Variants in EPHA6 observed in about 807,000 individuals in gnomAD.
The protein encoded by EPHA6 is EPH receptor A6, also known as ephrin type-A receptor 6.
EPHA6 carries 50 observed loss-of-function variants against 112.0 expected under a neutral mutation model. The ratio of observed to expected loss-of-function variants is 0.45; its 90% CI spans 0.36 to 0.56. EPHA6 has a LOEUF of 0.56. Ranked by LOEUF, EPHA6 falls within the 20% of genes least tolerant of loss-of-function variation. The pLI, the probability that EPHA6 is intolerant of heterozygous loss-of-function variation, is 0.00. For missense variants in EPHA6, 1,280 were observed against 1,417.4 expected, an observed-to-expected ratio of 0.90 and a Z score of 1.56; for synonymous variants, 529 against 490.7, an observed-to-expected ratio of 1.08 and a Z score of -1.03.
chr3:96,942,523 C>G (rs963426127), intron 2 of EPHA6, among the ~76,000 whole-genome samples: 1 of 152,208 alleles, frequency 6.6e-6, no homozygotes, highest in Admixed American at 6.5e-5. Context: ...TCACCCCTTT[C>G]TTTGACTAGG....
chr3:97,292,952 C>T lies in EPHA6; in HGVS notation c.1606+48665C>T, dbSNP rs2080743559. 2.0e-5 allele frequency among the ~76,000 whole-genome samples: 3 copies of T among 150,148 alleles called. No homozygotes were observed. The South Asian group carries it at 6.4e-4, about 32-fold the overall frequency. ...GCACCTTTTTGCAGGCAGGTCATCT[C>T]ACCGAGCATCCAGTTCTCAGTGAAG... On this transcript the variant is annotated intron_variant, in intron 5 of 17. Coordinates refer to ENST00000389672, the MANE Select transcript of EPHA6 (RefSeq NM_001080448.3).
At chr3:97,059,726 A>G (rs1426527005) in intron 3 of EPHA6, among the ~76,000 whole-genome samples, 1 of 149,314 alleles carries the variant, frequency 6.7e-6, no homozygotes, top group Non-Finnish European at 1.5e-5. Context: ...AAATATAATG[A>G]TAAGTGTAAC....
intron 2 of EPHA6, among the ~76,000 whole-genome samples, chr3:96,981,745 C>T (rs555895708): frequency 6.6e-6 from 1 of 152,042 alleles, no homozygotes; most frequent in East Asian, 1.9e-4. Flanking sequence ...TGTTGTTGGT[C>T]CATTCAGAGA....
intron 2 of EPHA6, among the ~76,000 whole-genome samples, chr3:96,985,001 G>A (rs1175951833): frequency 2.6e-5 from 4 of 152,198 alleles, no homozygotes; most frequent in African/African-American, 9.6e-5. Flanking sequence ...CGCTTCCTGG[G>A]TGAGGCGATG....
intron 11 of EPHA6, among the ~76,000 whole-genome samples, chr3:97,544,047 T>A (rs1370942811): frequency 6.6e-6 from 1 of 152,192 alleles, no homozygotes; most frequent in Non-Finnish European, 1.5e-5. Context: ...ACAGGGACAA[T>A]TTGACTTCCT....
At chr3:97,706,689 A>G (rs1022594968) in intron 14 of EPHA6, among the ~76,000 whole-genome samples, 2 of 151,680 alleles carry the variant, frequency 1.3e-5, no homozygotes, top group African/African-American at 2.4e-5. Flanking sequence ...TCAAATTCTG[A>G]CTTTTCTTGT....
At chr3:96,970,693 A>C (rs1213753617) in intron 2 of EPHA6, among the ~76,000 whole-genome samples, 1 of 152,088 alleles carries the variant, frequency 6.6e-6, no homozygotes, top group Non-Finnish European at 1.5e-5. Context: ...TCTATGATGA[A>C]AAGACAACGT....
chr3:97,093,515 A>G (rs866516698), intron 3 of EPHA6, among the ~76,000 whole-genome samples: 1 of 152,036 alleles, frequency 6.6e-6, no homozygotes, highest in Non-Finnish European at 1.5e-5. Context: ...GTGTAACTGC[A>G]CTCCAGCCTG....
At chr3:96,914,802 A>G (rs892678504) in intron 2 of EPHA6, among the ~76,000 whole-genome samples, 2 of 152,036 alleles carry the variant, frequency 1.3e-5, no homozygotes, top group African/African-American at 4.8e-5. Context: ...TGTTGCTGAG[A>G]CAGAAATTAA....
Position 97,638,112 on chromosome 3 carries a change from TC to T in EPHA6, c.2784+31del, listed in dbSNP as rs3830307. ...GTTTATATGCCCTTTCCTAATATAG[TC>T]TGTTTACTTTTATTGTTTTTAATGT... is the stretch of plus-strand genomic sequence containing the variant. On this transcript the variant is annotated intron_variant, in intron 14 of 17. Transcript: ENST00000389672. 7.3e-6 allele frequency: 11 copies of T among 1,508,542 alleles called. No individual in the cohort carries two copies. The East Asian group carries it at 2.5e-4, about 34-fold the overall frequency. The allele number at this position is 1,508,542 out of a possible 1,614,324, so 93.4% of individuals were successfully genotyped here.
chr3:97,626,242 A>G (rs1025921682), intron 13 of EPHA6, among the ~76,000 whole-genome samples: 3 of 151,700 alleles, frequency 2.0e-5, no homozygotes, highest in Non-Finnish European at 2.9e-5. Flanking sequence ...GCCCAGTTAT[A>G]TGTGCTAGTT....
intron 5 of EPHA6, among the ~76,000 whole-genome samples, chr3:97,360,481 G>A (rs1160226597): frequency 1.3e-5 from 2 of 152,148 alleles, no homozygotes; most frequent in East Asian, 3.8e-4. Flanking sequence ...TTATTCAAAT[G>A]TTGTCAATGA....
chr3:97,699,893 G>A (rs936356642), intron 14 of EPHA6, among the ~76,000 whole-genome samples: 19 of 152,310 alleles, frequency 1.2e-4, no homozygotes, highest in African/African-American at 4.3e-4. Context: ...GAATTTTTAA[G>A]GGATGGCAGA....
chr3:97,318,935 C>T (rs549366504), intron 5 of EPHA6, among the ~76,000 whole-genome samples: 39 of 151,810 alleles, frequency 2.6e-4, no homozygotes, highest in African/African-American at 8.5e-4. Flanking sequence ...AAATGAACAA[C>T]ATTCCAATAG....
chr3:97,200,271 T>C (rs1176355791), intron 3 of EPHA6, among the ~76,000 whole-genome samples: 1 of 152,070 alleles, frequency 6.6e-6, no homozygotes, highest in Non-Finnish European at 1.5e-5. Context: ...GGCTCCTTCC[T>C]GGGTCAGTGC....
At chr3:97,665,542 A>G (rs368299509) in intron 14 of EPHA6, among the ~76,000 whole-genome samples, 18 of 152,222 alleles carry the variant, frequency 1.2e-4, no homozygotes, top group East Asian at 5.8e-4. Flanking sequence ...TAAAAAAAAG[A>G]TCCAGCCTGG....
At chr3:96,838,816 A>G (rs140231971) in intron 1 of EPHA6, among the ~76,000 whole-genome samples, 2 of 152,190 alleles carry the variant, frequency 1.3e-5, no homozygotes, top group East Asian at 3.9e-4. Flanking sequence ...TGAATGGTAC[A>G]TTTTGTGTTG....
intron 10 of EPHA6, among the ~76,000 whole-genome samples, chr3:97,512,817 G>T (rs1482319867): frequency 1.3e-5 from 2 of 152,090 alleles, no homozygotes; most frequent in Non-Finnish European, 2.9e-5. Flanking sequence ...TGCCCACCTC[G>T]GCCTCCGAAA....
intron 13 of EPHA6, among the ~76,000 whole-genome samples, chr3:97,612,205 G>A (rs1443961568): frequency 6.6e-6 from 1 of 151,906 alleles, no homozygotes; most frequent in Non-Finnish European, 1.5e-5. Flanking sequence ...ACCACCTATG[G>A]TACTTGAAAT....
Sources: allele counts gnomAD v4.1 joint callset (sites outside exome capture counted in the v4.1 genomes callset), GRCh38; gene constraint gnomAD v4.1.1; transcripts MANE v1.5; gene names NCBI Gene and HGNC (gene_info 2026-07-23, HGNC 2026-07-21).